The following NCKAP5 variants were observed in gnomAD, a reference collection of about 807,000 sequenced individuals.
NCKAP5 encodes nck-associated protein 5.
Under a neutral mutation model 167.0 loss-of-function variants are expected in NCKAP5, and 92 were observed. That is an observed-to-expected ratio of 0.55 (90% CI 0.47 to 0.66). The LOEUF (loss-of-function observed/expected upper bound fraction) is 0.66, where lower values mean the gene tolerates loss of function less well. NCKAP5 is among the 30% of genes least tolerant of loss of function. The pLI is 0.00. For synonymous variants in NCKAP5, 891 were observed against 877.4 expected, an observed-to-expected ratio of 1.02 and a Z score of -0.27; for missense variants, 2,378 against 2,315.0, an observed-to-expected ratio of 1.03 and a Z score of -0.56.
the NCKAP5 span, among the ~76,000 whole-genome samples, chr2:133,629,413 A>G: frequency 6.6e-6 from 1 of 152,232 alleles, no homozygotes; most frequent in Non-Finnish European, 1.5e-5. Flanking sequence ...AGAAATGCAA[A>G]TCAAAACCCC....
At chr2:132,687,246 C>T (rs1404061041) in intron 19 of NCKAP5, among the ~76,000 whole-genome samples, 10 of 152,056 alleles carry the variant, frequency 6.6e-5, no homozygotes, top group African/African-American at 1.9e-4. Context: ...ACCTTAGGGT[C>T]GCCTCTGCAG....
At chr2:133,576,542 T>C in the NCKAP5 span, among the ~76,000 whole-genome samples, 2 of 152,262 alleles carry the variant, frequency 1.3e-5, no homozygotes, top group South Asian at 2.1e-4. Context: ...TCAGGTTCTA[T>C]GTATATTTTG....
At chr2:133,673,534 A>G in the NCKAP5 span, among the ~76,000 whole-genome samples, 1 of 152,210 alleles carries the variant, frequency 6.6e-6, no homozygotes, top group Non-Finnish European at 1.5e-5. Context: ...GACTCTTCCC[A>G]GCAGGTCTCT....
At chr2:133,358,968 TCTA>T (rs1412064900) in intron 3 of NCKAP5, among the ~76,000 whole-genome samples, 1 of 152,222 alleles carries the variant, frequency 6.6e-6, no homozygotes, top group African/African-American at 2.4e-5. Flanking sequence ...TTGGAGTACT[TCTA>T]CTGTTTTTTC....
chr2:133,020,873 G>C (rs1354374323), intron 6 of NCKAP5, among the ~76,000 whole-genome samples: 1 of 152,190 alleles, frequency 6.6e-6, no homozygotes, highest in African/African-American at 2.4e-5. Flanking sequence ...AGGGAGACTA[G>C]TCCAGGGACA....
intron 3 of NCKAP5, among the ~76,000 whole-genome samples, chr2:133,328,350 A>G (rs1427554741): frequency 6.6e-6 from 1 of 152,246 alleles, no homozygotes; most frequent in Non-Finnish European, 1.5e-5. Flanking sequence ...GAGAGAGTTG[A>G]CATAGACTGG....
rs565088885 is a variant in NCKAP5, at chr2:133,143,091, C to T, written c.208-12980G>A. On this transcript the variant is annotated intron_variant, in intron 5 of 19. Coordinates refer to ENST00000409261, the MANE Select transcript of NCKAP5 (RefSeq NM_207363.3). ...CTTCAGAAGACAACAATATTAAAAA[C>T]GTGTTTTTTTTTTAACCAGGCCTTG... Among the ~76,000 whole-genome samples the T allele has an allele frequency of 5.4e-5, 8 of 149,360 alleles. No homozygotes were observed. In the East Asian group the frequency reaches 8.9e-4, roughly 17 times the overall value.
At chr2:133,457,194 T>G (rs1003221134) in intron 3 of NCKAP5, among the ~76,000 whole-genome samples, 1 of 152,226 alleles carries the variant, frequency 6.6e-6, no homozygotes, top group African/African-American at 2.4e-5. Flanking sequence ...AAATAGTTTC[T>G]GATGGCTTTA....
chr2:133,092,649 G>A (rs2081222862), intron 6 of NCKAP5, among the ~76,000 whole-genome samples: 1 of 152,048 alleles, frequency 6.6e-6, no homozygotes, highest in African/African-American at 2.4e-5. Flanking sequence ...GTTTCATTAT[G>A]CATCGTTTTG....
At chr2:133,004,271 G>C (rs1389339916) in intron 6 of NCKAP5, among the ~76,000 whole-genome samples, 1 of 152,158 alleles carries the variant, frequency 6.6e-6, no homozygotes, top group African/African-American at 2.4e-5. Flanking sequence ...TACAAAATGG[G>C]TTATTTCCCT....
chr2:132,835,194 G>T (rs1288574427), intron 11 of NCKAP5, among the ~76,000 whole-genome samples: 1 of 152,128 alleles, frequency 6.6e-6, no homozygotes, highest in Non-Finnish European at 1.5e-5. Flanking sequence ...TCCCTTTGAT[G>T]TGCTGTTGGA....
At chr2:133,471,417 C>T (rs529299041) in intron 3 of NCKAP5, among the ~76,000 whole-genome samples, 96 of 152,274 alleles carry the variant, frequency 6.3e-4, no homozygotes, top group African/African-American at 2.3e-3. Context: ...TAGGAAAAAG[C>T]AAATGACATT....
the NCKAP5 span, among the ~76,000 whole-genome samples, chr2:133,666,967 T>C: frequency 2.0e-5 from 3 of 152,002 alleles, no homozygotes; most frequent in Admixed American, 6.5e-5. Flanking sequence ...AGGAAGGACT[T>C]GAACTATTTG....
intron 4 of NCKAP5, among the ~76,000 whole-genome samples, chr2:133,288,477 A>C (rs1197705923): frequency 6.6e-6 from 1 of 152,218 alleles, no homozygotes; most frequent in Non-Finnish European, 1.5e-5. Context: ...TTTCTAGAGA[A>C]TATTGAAGAG....
Position 133,558,704 on chromosome 2 carries a change from C to CAAAA in NCKAP5, c.-62+342_-62+345dup, listed in dbSNP as rs60051493. Among the ~76,000 whole-genome samples the CAAAA allele has an allele frequency of 2.2e-3, 114 of 50,862 alleles. 17 individuals are homozygous for CAAAA. The highest frequency in any genetic ancestry group is 6.5e-3 in the African/African-American group (80 of 12,310). 33.4% of individuals were successfully genotyped at this position (50,862 alleles called of 152,430 possible). On this transcript the variant is annotated intron_variant, in intron 2 of 19. Coordinates refer to ENST00000409261, the MANE Select transcript of NCKAP5 (RefSeq NM_207363.3). ...ACATAAACAGATGCAATGTGCTGAG[C>CAAAA]AAAAAAAAAAAAAAAAAAAAAAGCC... is the stretch of plus-strand genomic sequence containing the variant.
At chr2:132,833,958 T>G (rs1176415537) in intron 11 of NCKAP5, among the ~76,000 whole-genome samples, 1 of 152,178 alleles carries the variant, frequency 6.6e-6, no homozygotes, top group African/African-American at 2.4e-5. Flanking sequence ...TATGGTTATT[T>G]TAATGATATT....
chr2:132,778,255 G>C (rs940657389), intron 15 of NCKAP5, among the ~76,000 whole-genome samples: 2 of 151,946 alleles, frequency 1.3e-5, no homozygotes, highest in Non-Finnish European at 1.5e-5. Flanking sequence ...GAGCTAAGTG[G>C]TCTATAAACA....
chr2:133,141,450 T>A (rs915015412), intron 5 of NCKAP5, among the ~76,000 whole-genome samples: 5 of 152,130 alleles, frequency 3.3e-5, no homozygotes, highest in African/African-American at 4.8e-5. Context: ...TAAGAATCCT[T>A]TTTATCCTGT....
the NCKAP5 span, among the ~76,000 whole-genome samples, chr2:133,651,035 G>A: frequency 6.6e-6 from 1 of 152,096 alleles, no homozygotes; most frequent in Non-Finnish European, 1.5e-5. Flanking sequence ...AACTTAAAAT[G>A]GATTGAAGAC....
Sources: gnomAD v4.1 joint callset for allele counts (sites outside exome capture counted in the v4.1 genomes callset) on GRCh38, gnomAD v4.1.1 for gene constraint, MANE v1.5 for transcripts, NCBI Gene and HGNC (gene_info 2026-07-23, HGNC 2026-07-21) for gene names.